Variants in ZFP1 observed in about 807,000 individuals in gnomAD.
ZFP1 encodes the protein ZFP1 zinc finger protein, also known as zinc finger protein 1 homolog.
Under a neutral mutation model 38.5 loss-of-function variants are expected in ZFP1, and 32 were observed. The ratio of observed to expected loss-of-function variants is 0.83; its 90% CI spans 0.63 to 1.12. The LOEUF (loss-of-function observed/expected upper bound fraction) is 1.12. ZFP1 is among the 50% of genes most tolerant of loss of function. The probability of loss-of-function intolerance (pLI) is 0.00; values close to 1 mark genes in which losing one functional copy is unlikely to be tolerated. For missense variants in ZFP1, 616 were observed against 480.8 expected (o/e 1.28, Z -2.63); for synonymous variants, 245 against 168.8 (o/e 1.45, Z -3.50).
chr16:75,125,551 T>G, the ZFP1 span, among the ~76,000 whole-genome samples: 2 of 152,046 alleles, frequency 1.3e-5, no homozygotes, highest in African/African-American at 4.8e-5. Context: ...CTTGAACACC[T>G]GACCTCAAGT....
the ZFP1 span, among the ~76,000 whole-genome samples, chr16:75,129,485 A>AC: frequency 2.0e-5 from 3 of 152,198 alleles, no homozygotes; most frequent in Admixed American, 1.3e-4. Context: ...ATTCAAAGTC[A>AC]CCCCTCTGCT....
chr16:75,138,989 C>T, the ZFP1 span, among the ~76,000 whole-genome samples: 1 of 152,154 alleles, frequency 6.6e-6, no homozygotes, highest in East Asian at 1.9e-4. Context: ...CCAAAACCCA[C>T]AACTCCATTC....
At chr16:75,166,424 C>T (rs528252687) in intron 2 of ZFP1, 4 of 382,272 alleles carry the variant, frequency 1.0e-5, no homozygotes, top group South Asian at 2.2e-4. Flanking sequence ...TGGGATTTCA[C>T]CATGTTGTCC....
upstream of ZFP1, among the ~76,000 whole-genome samples, chr16:75,146,584 T>G (rs548652831): frequency 2.0e-5 from 3 of 152,302 alleles, no homozygotes; most frequent in East Asian, 5.8e-4. Context: ...CAATGTATCT[T>G]CAGTAGGTGA....
chr16:75,169,419 TTATAAA>T lies in ZFP1; in HGVS notation c.313_318del (p.Lys105_Tyr106del), dbSNP rs772172339. 1.9e-6 allele frequency: 3 copies of T among 1,613,606 alleles called. No homozygotes were observed. In the African/African-American group the frequency reaches 4.0e-5, roughly 22 times the overall value. ...ACTTTGTTTCTTTAAGACAAGTACC[TTATAAA>T]TATGACTTATATGAAAAAACTTTGA... On this transcript the variant is annotated inframe_deletion, in exon 4 of 4. Transcript: ENST00000570010.
chr16:75,149,769 C>A (rs2037092780), intron 1 of ZFP1, among the ~76,000 whole-genome samples: 2 of 151,586 alleles, frequency 1.3e-5, no homozygotes, highest in African/African-American at 4.8e-5. Context: ...ACTACTTTAA[C>A]TACATCACTC....
chr16:75,129,764 C>G, the ZFP1 span, among the ~76,000 whole-genome samples: 1 of 152,168 alleles, frequency 6.6e-6, no homozygotes, highest in African/African-American at 2.4e-5. Flanking sequence ...GGGCATGTGT[C>G]CTCAACCTTG....
rs2038358505 is a variant in ZFP1 at position 75,170,334 on chromosome 16, A to T, written c.1224A>T (p.Ter408CysextTer49). 1.9e-6 allele frequency: 3 copies of T among 1,566,070 alleles called. No homozygotes were observed. Among genetic ancestry groups the T allele is most frequent in the Non-Finnish European group, 2.6e-6 (3 of 1,155,574 alleles). Residue 408 changes from the stop codon to cysteine, a stop_lost, in exon 4 of 4, where the codon TGA (stop) becomes TGT (cysteine). Coordinates refer to ENST00000570010, the MANE Select transcript of ZFP1 (RefSeq NM_153688.4). ...HQRVHIGEKP[*>C] is the part of the protein sequence containing the mutation. ...GAGTTCACATCGGGGAGAAACCCTG[A>T]AACTCCAGCCAGGTCTTACTGTGGA...
intron 2 of ZFP1, among the ~76,000 whole-genome samples, chr16:75,165,594 C>T (rs1358669540): frequency 6.6e-6 from 1 of 152,062 alleles, no homozygotes; most frequent in Non-Finnish European, 1.5e-5. Flanking sequence ...GGGGTTTCAC[C>T]ATCTTTGCCA....
the ZFP1 span, among the ~76,000 whole-genome samples, chr16:75,119,847 A>G: frequency 6.6e-6 from 1 of 151,738 alleles, no homozygotes. Context: ...GGCTAAATTC[A>G]CACACACACA....
the ZFP1 span, among the ~76,000 whole-genome samples, chr16:75,138,172 G>T: frequency 6.6e-6 from 1 of 151,570 alleles, no homozygotes; most frequent in Non-Finnish European, 1.5e-5. Flanking sequence ...AAGTAGCTGG[G>T]ACTACAGGCG....
the ZFP1 span, among the ~76,000 whole-genome samples, chr16:75,123,455 G>GTATATATA: frequency 1.6e-4 from 14 of 87,264 alleles, no homozygotes; most frequent in East Asian, 6.6e-4. Context: ...GTGTGTATAT[G>GTATATATA]TATATATATA....
intron 2 of ZFP1, among the ~76,000 whole-genome samples, chr16:75,161,757 A>AATATATATATATATATATATAT (rs1338490455): frequency 0.016 from 230 of 14,246 alleles, 28 homozygotes; most frequent in Admixed American, 0.022. Context: ...AGTTTTATGA[A>AATATATATATATATATATATAT]ATATATATAT....
chr16:75,129,905 G>T, the ZFP1 span, among the ~76,000 whole-genome samples: 5 of 152,196 alleles, frequency 3.3e-5, no homozygotes, highest in Non-Finnish European at 7.3e-5. Flanking sequence ...GCTTTAGAGT[G>T]GGAACAAAAG....
chr16:75,144,930 A>G (rs535799878), upstream of ZFP1, among the ~76,000 whole-genome samples: 5 of 152,292 alleles, frequency 3.3e-5, no homozygotes, highest in South Asian at 2.1e-4. Flanking sequence ...TCCTGGGTCA[A>G]GTGATCTTCC....
chr16:75,120,819 G>T, the ZFP1 span, among the ~76,000 whole-genome samples: 1 of 151,834 alleles, frequency 6.6e-6, no homozygotes, highest in Non-Finnish European at 1.5e-5. Flanking sequence ...GTAGAGACGG[G>T]TTTCACCGTG....
intron 2 of ZFP1, among the ~76,000 whole-genome samples, chr16:75,154,176 A>G (rs1163250766): frequency 2.0e-5 from 3 of 152,106 alleles, no homozygotes; most frequent in African/African-American, 4.8e-5. Flanking sequence ...GTGAGCTGAG[A>G]TCGCGCCACT....
intron 2 of ZFP1, among the ~76,000 whole-genome samples, chr16:75,160,504 C>T (rs531447106): frequency 2.6e-4 from 39 of 151,826 alleles, no homozygotes; most frequent in African/African-American, 9.4e-4. Flanking sequence ...ACTAAAAATA[C>T]AAAAATTAGC....
chr16:75,159,001 A>G (rs2037611092), intron 2 of ZFP1, among the ~76,000 whole-genome samples: 2 of 147,242 alleles, frequency 1.4e-5, no homozygotes, highest in Admixed American at 6.8e-5. Flanking sequence ...GGCTCAAGTG[A>G]TCCTCCCACT....
Sources: allele counts gnomAD v4.1 joint callset (sites outside exome capture counted in the v4.1 genomes callset), GRCh38; gene constraint gnomAD v4.1.1; transcripts MANE v1.5; gene names NCBI Gene and HGNC (gene_info 2026-07-23, HGNC 2026-07-21).